RIMS1: variants seen among roughly 807,000 people sequenced by gnomAD.
RIMS1 encodes regulating synaptic membrane exocytosis 1.
A neutral mutation model predicts 214.1 loss-of-function variants in RIMS1; 83 were observed. The ratio of observed to expected loss-of-function variants is 0.39; its 90% CI spans 0.32 to 0.47. The LOEUF is 0.47. Ranked by LOEUF, RIMS1 falls within the 20% of genes least tolerant of loss-of-function variation. The pLI, the probability that RIMS1 is intolerant of heterozygous loss-of-function variation, is 0.99. For synonymous variants in RIMS1, 793 were observed against 786.8 expected (o/e 1.01, Z -0.13); for missense variants, 2,050 against 2,161.8 (o/e 0.95, Z 1.03).
At chr6:72,162,860 T>A (rs1169832759) in intron 4 of RIMS1, among the ~76,000 whole-genome samples, 2 of 139,614 alleles carry the variant, frequency 1.4e-5, no homozygotes, top group Admixed American at 1.5e-4. Context: ...CTGACAATTA[T>A]GTGTCTTGGA....
chr6:72,216,878 A>T lies in RIMS1; in HGVS notation c.1679-16895A>T, dbSNP rs774633718. The T allele has an allele frequency of 1.1e-3, 1,222 of 1,073,584 alleles. 1 individual carries two copies. The highest frequency in any genetic ancestry group is 5.5e-3 in the Middle Eastern group (13 of 2,370). 66.5% of individuals were successfully genotyped at this position (1,073,584 alleles called of 1,614,324 possible). A position where few individuals can be genotyped will look rare whatever the true frequency, so the allele number is the denominator to read the frequency against. On this transcript the variant is annotated intron_variant, in intron 6 of 33. Transcript: ENST00000521978. ...CTAAAAGAGCTTTAGTGTATGCTAC[A>T]CTGGGAGCCACTTTAGTACAGCACA... is the stretch of plus-strand genomic sequence containing the variant.
intron 2 of RIMS1, among the ~76,000 whole-genome samples, chr6:72,021,220 A>G (rs1157676446): frequency 6.6e-6 from 1 of 152,196 alleles, no homozygotes; most frequent in Non-Finnish European, 1.5e-5. Context: ...TTTTTAAACA[A>G]TAATCTTAAT....
chr6:72,342,841 T>TC (rs1355242478), intron 29 of RIMS1, among the ~76,000 whole-genome samples: 1 of 151,786 alleles, frequency 6.6e-6, no homozygotes, highest in Admixed American at 6.6e-5. Context: ...TTGATTTTTT[T>TC]CCTTGAGTAT....
intron 4 of RIMS1, among the ~76,000 whole-genome samples, chr6:72,118,920 A>C (rs1163678384): frequency 6.6e-6 from 1 of 151,700 alleles, no homozygotes; most frequent in Non-Finnish European, 1.5e-5. Flanking sequence ...AAACAAGACA[A>C]GGATACCCAC....
At chr6:72,314,430 T>C (rs1360158823) in intron 28 of RIMS1, among the ~76,000 whole-genome samples, 1 of 152,178 alleles carries the variant, frequency 6.6e-6, no homozygotes, top group African/African-American at 2.4e-5. Context: ...TTTCCAATAC[T>C]CTGAAAGGCT....
chr6:72,372,042 G>A (rs559259969), intron 29 of RIMS1, among the ~76,000 whole-genome samples: 1 of 152,294 alleles, frequency 6.6e-6, no homozygotes, highest in East Asian at 1.9e-4. Context: ...AATAAAGGCA[G>A]CAATCTTAAA....
intron 19 of RIMS1, chr6:72,263,813 A>G (rs1020489964): frequency 2.9e-6 from 1 of 343,458 alleles, no homozygotes; most frequent in African/African-American, 2.3e-5. Context: ...AAACACACAC[A>G]CACACACACA....
At chr6:72,027,513 A>G (rs1816874187) in intron 2 of RIMS1, among the ~76,000 whole-genome samples, 1 of 152,114 alleles carries the variant, frequency 6.6e-6, no homozygotes, top group Non-Finnish European at 1.5e-5. Flanking sequence ...TGCTGATAAC[A>G]ATCTAATATA....
intron 4 of RIMS1, among the ~76,000 whole-genome samples, chr6:72,154,479 A>G (rs886515069): frequency 1.4e-5 from 2 of 141,050 alleles, no homozygotes; most frequent in Admixed American, 7.2e-5. Flanking sequence ...AAAGGCAAAA[A>G]TACGTCAAAA....
At chr6:72,209,713 A>G (rs543319479) in intron 6 of RIMS1, among the ~76,000 whole-genome samples, 7 of 152,218 alleles carry the variant, frequency 4.6e-5, no homozygotes, top group African/African-American at 1.7e-4. Context: ...CATCCTGGCT[A>G]ACACGATGAA....
At chr6:72,175,226 A>G (rs1450320578) in intron 4 of RIMS1, 1 of 174,282 alleles carries the variant, frequency 5.7e-6, no homozygotes, top group Non-Finnish European at 1.2e-5. Context: ...TCCTATATTC[A>G]TTGAAAATTG....
intron 4 of RIMS1, among the ~76,000 whole-genome samples, chr6:72,108,974 G>C (rs968751118): frequency 2.0e-5 from 3 of 150,968 alleles, no homozygotes; most frequent in African/African-American, 7.3e-5. Flanking sequence ...TCTTGCGATA[G>C]TTTACTGAGA....
At position 72,152,713 on chromosome 6, in the gene RIMS1, T is replaced by C. The variant is rs914732200; in HGVS notation, c.472-26862T>C. 1.2e-4 allele frequency among the ~76,000 whole-genome samples: 10 copies of C among 85,086 alleles called. 1 individual carries two copies. The highest frequency in any genetic ancestry group is 1.9e-4 in the Non-Finnish European group (9 of 46,816). The allele number at this position is 85,086 out of a possible 152,430, so 55.8% of individuals were successfully genotyped here. The stretch of plus-strand genomic sequence containing the variant: ...GATACATTTGGAATATATGTATATA[T>C]ATGTGAATATATATATATGGAATAT... On this transcript the variant is annotated intron_variant, in intron 4 of 33. Coordinates refer to ENST00000521978, the MANE Select transcript of RIMS1 (RefSeq NM_014989.7).
chr6:72,192,091 T>A (rs781133909), intron 6 of RIMS1, among the ~76,000 whole-genome samples: 45 of 152,178 alleles, frequency 3.0e-4, no homozygotes, highest in Admixed American at 6.5e-4. Flanking sequence ...CTGTGCCAAT[T>A]ATGCATTCTG....
intron 20 of RIMS1, 50 bp downstream of exon 20, chr6:72,265,102 C>A: frequency 2.0e-6 from 2 of 997,978 alleles, no homozygotes; most frequent in Non-Finnish European, 3.0e-6. Context: ...AATTCCTAAT[C>A]CCTTGCCTAC....
At chr6:71,967,358 A>T (rs1258092614) in intron 1 of RIMS1, among the ~76,000 whole-genome samples, 1 of 152,106 alleles carries the variant, frequency 6.6e-6, no homozygotes, top group Non-Finnish European at 1.5e-5. Context: ...ACTGCACTCC[A>T]TCCTGGGCAA....
chr6:72,127,684 C>T (rs984990644), intron 4 of RIMS1, among the ~76,000 whole-genome samples: 4 of 152,180 alleles, frequency 2.6e-5, no homozygotes, highest in Admixed American at 6.5e-5. Context: ...GGCCCTGTTC[C>T]TCTGGTCCAG....
At chr6:72,119,759 T>C (rs1310301645) in intron 4 of RIMS1, among the ~76,000 whole-genome samples, 1 of 151,746 alleles carries the variant, frequency 6.6e-6, no homozygotes, top group Non-Finnish European at 1.5e-5. Context: ...ACCCATTAAC[T>C]CGTCATTTAC....
intron 29 of RIMS1, chr6:72,365,774 A>G (rs548961676): frequency 2.6e-5 from 4 of 152,360 alleles, no homozygotes; most frequent in African/African-American, 9.6e-5. Flanking sequence ...CCTTAGTGCC[A>G]TTATGGAGGT....
Sources: allele counts gnomAD v4.1 joint callset (sites outside exome capture counted in the v4.1 genomes callset), GRCh38; gene constraint gnomAD v4.1.1; transcripts MANE v1.5; gene names NCBI Gene and HGNC (gene_info 2026-07-23, HGNC 2026-07-21).